Variants in FAM131C observed in about 807,000 individuals in gnomAD.
FAM131C encodes protein FAM131C.
Under a neutral mutation model 29.8 loss-of-function variants are expected in FAM131C, and 14 were observed. That is an observed-to-expected ratio of 0.47 (90% confidence interval 0.31 to 0.73). The LOEUF (loss-of-function observed/expected upper bound fraction) is 0.73. Among genes scored for constraint, FAM131C ranks in the 30% least tolerant of loss-of-function variants. FAM131C has a pLI of 0.05. For missense variants in FAM131C, 252 were observed against 383.8 expected (o/e 0.66, Z 2.87); for synonymous variants, 86 against 157.8 (o/e 0.54, Z 3.41).
In FAM131C at chr1:16,073,402, C is replaced by T; in HGVS notation, c.22+19G>A. The T allele has an allele frequency of 8.3e-7, 1 of 1,205,822 alleles. No individual in the cohort carries two copies. The highest frequency in any genetic ancestry group is 1.6e-5 in the African/African-American group (1 of 63,584). The allele number at this position is 1,205,822 out of a possible 1,614,324, so 74.7% of individuals were successfully genotyped here. A position where few individuals can be genotyped will look rare whatever the true frequency, so the allele number is the denominator to read the frequency against. ...GTCCCCGGCACCCGATCCCCCCGCCCCCGGCCGGGCCCCCTCACCTCGCGA... is the reference window on the plus strand; with the variant it reads ...GTCCCCGGCACCCGATCCCCCCGCCTCCGGCCGGGCCCCCTCACCTCGCGA... On this transcript the variant is annotated intron_variant, in intron 1 of 6. Coordinates refer to ENST00000375662, the MANE Select transcript of FAM131C (RefSeq NM_182623.3).
Position 16,063,655 on chromosome 1 carries a change from G to T in FAM131C, c.23-19C>A. On this transcript the variant is annotated intron_variant, in intron 1 of 6. Transcript: ENST00000375662. Reference sequence around the variant, plus strand: ...AACAGGTCTGGAAATAAGAGCAAGAGGAGGAACTCAGCAAAGCCCAGCCCT... The same window carrying T: ...AACAGGTCTGGAAATAAGAGCAAGATGAGGAACTCAGCAAAGCCCAGCCCT... 1 of 1,550,648 alleles carries T rather than the reference G, an allele frequency of 6.4e-7. No homozygotes were observed. The highest frequency in any genetic ancestry group is 8.8e-7 in the Non-Finnish European group (1 of 1,131,842).
rs937552208 is a variant in FAM131C at position 16,073,576 on chromosome 1, C to T, written c.-134G>A. The T allele has an allele frequency of 3.0e-6, 1 of 331,666 alleles. No homozygotes were observed. The highest frequency in any genetic ancestry group is 4.9e-6 in the Non-Finnish European group (1 of 203,542). The allele number at this position is 331,666 out of a possible 1,614,324, so 20.5% of individuals were successfully genotyped here. A position where few individuals can be genotyped will look rare whatever the true frequency, so the allele number is the denominator to read the frequency against. On this transcript the variant is annotated 5_prime_UTR_variant, in exon 1 of 7. Coordinates refer to ENST00000375662, the MANE Select transcript of FAM131C (RefSeq NM_182623.3). ...GCGGGGGGCTCGGGCGCCCTCAGCT[C>T]GGCCTCAGCTCCAGCCTGGGTCGTC...
At chr1:16,060,590 G>A (rs1050033970) in intron 4 of FAM131C, among the ~76,000 whole-genome samples, 14 of 151,922 alleles carry the variant, frequency 9.2e-5, no homozygotes, top group Admixed American at 9.2e-4. Flanking sequence ...CCTGGGATTG[G>A]AATTTGAAGG....
In FAM131C at chr1:16,058,716, A is replaced by G. The variant is rs751316465; in HGVS notation, c.564T>C (p.Asp188=). 11 of 1,588,910 alleles carry G rather than the reference A, an allele frequency of 6.9e-6. No homozygotes were observed. The South Asian group carries it at 1.3e-4, about 18-fold the overall frequency. Reference sequence around the variant, plus strand: ...TGTCCTGAAGGTAGATGCTCTCCAGATCTGGAAAAGCAAGGGGGTGATGGG... The same window carrying G: ...TGTCCTGAAGGTAGATGCTCTCCAGGTCTGGAAAAGCAAGGGGGTGATGGG... The part of the protein sequence containing the change: ...NSPQGIVQLQ[D]LESIYLQDSL... Residue 188 remains aspartate, a splice_region_variant and synonymous_variant, in exon 7 of 7, where the codon GAT becomes GAC. Transcript: ENST00000375662.
At position 16,059,407 on chromosome 1, in the gene FAM131C, G is replaced by A. The variant is rs1470743283; in HGVS notation, c.562+87C>T. 6.5e-6 allele frequency: 10 copies of A among 1,534,576 alleles called. No homozygotes were observed. In the African/African-American group the frequency reaches 6.9e-5, roughly 11 times the overall value. On this transcript the variant is annotated intron_variant, in intron 6 of 6. Coordinates refer to ENST00000375662, the MANE Select transcript of FAM131C (RefSeq NM_182623.3). ...GCTGAGAAAAGGAAGGGGCTTGGCC[G>A]AGGTCACACTGCCTTTGGTGATGGG...
Position 16,060,143 on chromosome 1 carries a change from A to T in FAM131C, c.269-92T>A, listed in dbSNP as rs1329523260. ...GCCTCAGGCCCACCCAGTGGCCTGTACCCCACATTCCCTCAGTGCACCATG... is the reference window on the plus strand; with the variant it reads ...GCCTCAGGCCCACCCAGTGGCCTGTTCCCCACATTCCCTCAGTGCACCATG... On this transcript the variant is annotated intron_variant, in intron 4 of 6. Transcript: ENST00000375662. 7.4e-6 allele frequency: 5 copies of T among 671,634 alleles called. No homozygotes were observed. In the East Asian group the frequency reaches 1.7e-4, roughly 22 times the overall value. The allele number at this position is 671,634 out of a possible 1,614,324, so 41.6% of individuals were successfully genotyped here. A position where few individuals can be genotyped will look rare whatever the true frequency, so the allele number is the denominator to read the frequency against.
intron 2 of FAM131C, among the ~76,000 whole-genome samples, chr1:16,063,269 G>A (rs1159876227): frequency 1.3e-5 from 2 of 151,832 alleles, no homozygotes; most frequent in Non-Finnish European, 2.9e-5. Context: ...TGTCTGCAAG[G>A]CAGAGTTAAT....
chr1:16,063,434 G>A, intron 2 of FAM131C, 87 bp downstream of exon 2: 1 of 1,039,868 alleles, frequency 9.6e-7, no homozygotes, highest in South Asian at 1.3e-5. Flanking sequence ...GAAGGAAGGA[G>A]ACTGGAATGG....
chr1:16,069,377 A>G (rs1349248410), intron 1 of FAM131C, among the ~76,000 whole-genome samples: 1 of 152,098 alleles, frequency 6.6e-6, no homozygotes, highest in Admixed American at 6.5e-5. Context: ...GGACTTGGAA[A>G]CTATGGGTGG....
intron 3 of FAM131C, 66 bp downstream of exon 3, chr1:16,062,433 C>G (rs891732631): frequency 7.9e-7 from 1 of 1,264,928 alleles, no homozygotes; most frequent in Non-Finnish European, 1.1e-6. Context: ...GGGCTGGGCA[C>G]AAAGGATGGA....
At chr1:16,059,384 T>A (rs2023553175) in intron 6 of FAM131C, 110 bp downstream of exon 6, 1 of 1,466,440 alleles carries the variant, frequency 6.8e-7, no homozygotes, top group Non-Finnish European at 9.2e-7. Context: ...AAACTTAGGC[T>A]GAGAAAAGGA....
rs368860706 is a variant in FAM131C at position 16,057,947 on chromosome 1, G to A, written c.*490C>T. On this transcript the variant is annotated 3_prime_UTR_variant, in exon 7 of 7. Transcript: ENST00000375662. ...GAGAGACAGATGTCCTGGGTGAAGA[G>A]AGCCGGGGAGCAGGTGCTTAGCTAC... is the stretch of plus-strand genomic sequence containing the variant. 0.018 allele frequency: 2,877 copies of A among 157,630 alleles called. No homozygotes were observed. The highest frequency in any genetic ancestry group is 0.063 in the African/African-American group (2,582 of 40,752). The allele number at this position is 157,630 out of a possible 1,614,324, so 9.8% of individuals were successfully genotyped here.
intron 1 of FAM131C, among the ~76,000 whole-genome samples, chr1:16,063,862 C>T (rs982346378): frequency 3.3e-5 from 5 of 151,958 alleles, no homozygotes; most frequent in African/African-American, 1.2e-4. Context: ...ACTCCCTTTT[C>T]TCAGTTTCTA....
Position 16,071,534 on chromosome 1 carries a change from T to TCCCCTGCCCACATGGCTCC in FAM131C, c.22+1868_22+1886dup, listed in dbSNP as rs1170560913. Among the ~76,000 whole-genome samples the TCCCCTGCCCACATGGCTCC allele has an allele frequency of 7.9e-5, 12 of 152,272 alleles. No homozygotes were observed. The East Asian group carries it at 1.7e-3, about 22-fold the overall frequency. On this transcript the variant is annotated intron_variant, in intron 1 of 6. Transcript: ENST00000375662. ...CCCAGAGTCTCTGGGACCCTGGCTG[T>TCCCCTGCCCACATGGCTCC]CCCCTGCCCACATGGCTCCCCATAT...
chr1:16,072,205 A>G (rs2023758747), intron 1 of FAM131C, among the ~76,000 whole-genome samples: 1 of 152,138 alleles, frequency 6.6e-6, no homozygotes, highest in Non-Finnish European at 1.5e-5. Flanking sequence ...TAAGTAAAGG[A>G]ACCCCACACA....
chr1:16,062,640 G>C (rs41269177), intron 2 of FAM131C, 106 bp from the exon 3 acceptor site: 44,466 of 1,494,850 alleles, frequency 0.03, 863 homozygotes, highest in Middle Eastern at 0.032. Flanking sequence ...CCTTCTTCTG[G>C]TGCTGTGTGA....
At chr1:16,061,286 AG>A (rs56333706) in intron 4 of FAM131C, among the ~76,000 whole-genome samples, 75,954 of 151,738 alleles carry the variant, frequency 0.5, 19,669 homozygotes, top group Middle Eastern at 0.57. Flanking sequence ...GGTGAGGTGG[AG>A]GAAGGCACTG....
At chr1:16,067,632 GCTTCTCCTC>G (rs1557480585) in intron 1 of FAM131C, among the ~76,000 whole-genome samples, 2 of 152,146 alleles carry the variant, frequency 1.3e-5, no homozygotes, top group Admixed American at 6.5e-5. Context: ...TTCAACCAGA[GCTTCTCCTC>G]TGCATCTTGA....
chr1:16,071,217 G>C (rs1198025028), intron 1 of FAM131C, among the ~76,000 whole-genome samples: 1 of 150,754 alleles, frequency 6.6e-6, no homozygotes, highest in Non-Finnish European at 1.5e-5. Context: ...AGCTCCAGGA[G>C]AGTAGACAGG....
Sources: gnomAD v4.1 joint callset for allele counts (sites outside exome capture counted in the v4.1 genomes callset) on GRCh38, gnomAD v4.1.1 for gene constraint, MANE v1.5 for transcripts, NCBI Gene and HGNC (gene_info 2026-07-23, HGNC 2026-07-21) for gene names.